The following WDSUB1 variants were observed in gnomAD, a reference collection of about 807,000 sequenced individuals.
The protein encoded by WDSUB1 is WD repeat, sterile alpha motif and U-box domain containing 1.
Under a neutral mutation model 53.9 loss-of-function variants are expected in WDSUB1, and 49 were observed. That is an observed-to-expected ratio of 0.91 (90% CI 0.72 to 1.15). WDSUB1 has a LOEUF of 1.15. Among genes scored for constraint, WDSUB1 ranks in the 50% most tolerant of loss-of-function variants. The probability of loss-of-function intolerance (pLI) is 0.00; values close to 1 mark genes in which losing one functional copy is unlikely to be tolerated. For synonymous variants in WDSUB1, 194 were observed against 200.6 expected, an observed-to-expected ratio of 0.97 and a Z score of 0.28; for missense variants, 514 against 562.0, an observed-to-expected ratio of 0.91 and a Z score of 0.86.
intron 8 of WDSUB1, among the ~76,000 whole-genome samples, chr2:159,256,610 A>T: frequency 6.6e-6 from 1 of 151,926 alleles, no homozygotes; most frequent in East Asian, 1.9e-4. Flanking sequence ...AAAAAAAAAA[A>T]AAATTGTTTT....
chr2:159,256,597 C>CA (rs35877234), intron 8 of WDSUB1, among the ~76,000 whole-genome samples: 62,853 of 134,942 alleles, frequency 0.47, 14,437 homozygotes, highest in Non-Finnish European at 0.57. Flanking sequence ...AGACCAGTCT[C>CA]AAAAAAAAAA....
chr2:159,273,816 T>TA (rs1457517996), intron 4 of WDSUB1, among the ~76,000 whole-genome samples: 1 of 152,258 alleles, frequency 6.6e-6, no homozygotes, highest in Non-Finnish European at 1.5e-5. Flanking sequence ...TGAAAGGCTT[T>TA]ACTTTTGAAC....
intron 2 of WDSUB1, 44 bp from the exon 3 acceptor site, chr2:159,279,989 T>C (rs753730008): frequency 1.3e-6 from 2 of 1,545,246 alleles, no homozygotes; most frequent in South Asian, 1.2e-5. Flanking sequence ...AGAGTATCCT[T>C]TACTTTATAC....
intron 10 of WDSUB1, among the ~76,000 whole-genome samples, chr2:159,243,836 T>TAAC (rs2060720392): frequency 6.6e-6 from 1 of 152,172 alleles, no homozygotes; most frequent in Non-Finnish European, 1.5e-5. Flanking sequence ...GCACTATATA[T>TAAC]AACAGCCAAC....
chr2:159,247,446 A>G (rs1288748786), intron 10 of WDSUB1, among the ~76,000 whole-genome samples: 2 of 152,220 alleles, frequency 1.3e-5, no homozygotes, highest in African/African-American at 2.4e-5. Context: ...CAAAACAACT[A>G]TTAAGCTGGC....
intron 9 of WDSUB1, among the ~76,000 whole-genome samples, chr2:159,255,328 A>G (rs1212753056): frequency 1.3e-5 from 2 of 151,888 alleles, no homozygotes; most frequent in Admixed American, 6.6e-5. Flanking sequence ...TTAGCCAGGC[A>G]TGGTGGCAGG....
chr2:159,266,995 A>G (rs895732141), intron 5 of WDSUB1, among the ~76,000 whole-genome samples: 2 of 149,776 alleles, frequency 1.3e-5, no homozygotes, highest in African/African-American at 2.5e-5. Context: ...CTGGTCTCAA[A>G]CTCCTGGGCG....
chr2:159,236,008 TATAA>T lies in WDSUB1; in HGVS notation c.*21_*24del. 1 of 1,564,278 alleles carries T rather than the reference TATAA, an allele frequency of 6.4e-7. No homozygotes were observed. The highest frequency in any genetic ancestry group is 8.6e-7 in the Non-Finnish European group (1 of 1,159,128). ...ATCATTCAAATGAGATCACTGAAAA[TATAA>T]ATAATACAATATCAACAATTTTACT... On this transcript the variant is annotated 3_prime_UTR_variant, in exon 11 of 11. Transcript: ENST00000359774.
intron 10 of WDSUB1, among the ~76,000 whole-genome samples, chr2:159,241,701 G>C (rs1397833465): frequency 7.4e-6 from 1 of 135,880 alleles, no homozygotes; most frequent in East Asian, 2.1e-4. Flanking sequence ...ATACATGACT[G>C]GGGATGTTTT....
At position 159,257,844 on chromosome 2, in the gene WDSUB1, A is replaced by G. The variant is rs142150362; in HGVS notation, c.866T>C (p.Phe289Ser). Reference sequence around the variant, plus strand: ...AGCAAGTAAAAGGGTATTAGGTGCAAAAGCACAAGTTGTGACATACCTAGT... The same window carrying G: ...AGCAAGTAAAAGGGTATTAGGTGCAGAAGCACAAGTTGTGACATACCTAGT... ...QHTRYVTTCA[F>S]APNTLLLATG... Residue 289 changes from phenylalanine to serine, a missense_variant, in exon 8 of 11, where the codon TTT becomes TCT. Transcript: ENST00000359774. 7.1e-5 allele frequency: 114 copies of G among 1,614,182 alleles called. No homozygotes were observed. The highest frequency in any genetic ancestry group is 5.8e-4 in the Admixed American group (35 of 60,028).
At chr2:159,269,078 T>C (rs2061398928) in intron 5 of WDSUB1, among the ~76,000 whole-genome samples, 1 of 151,876 alleles carries the variant, frequency 6.6e-6, no homozygotes, top group Non-Finnish European at 1.5e-5. Flanking sequence ...ATCCCAGAAT[T>C]AGAGGACAGA....
intron 3 of WDSUB1, 77 bp downstream of exon 3, chr2:159,279,684 A>G: frequency 7.6e-7 from 1 of 1,309,828 alleles, no homozygotes; most frequent in Non-Finnish European, 1.0e-6. Context: ...ATAAAAAAGA[A>G]TAAAAGAATG....
At chr2:159,255,165 G>A (rs2061035024) in intron 9 of WDSUB1, among the ~76,000 whole-genome samples, 2 of 151,780 alleles carry the variant, frequency 1.3e-5, no homozygotes, top group South Asian at 4.2e-4. Context: ...CACAAAAAGA[G>A]ATAGAAAAGT....
chr2:159,261,876 ATATATATATATATATATATATTTTTTT>A (rs1207430635), intron 5 of WDSUB1, among the ~76,000 whole-genome samples: 2 of 14,668 alleles, frequency 1.4e-4, no homozygotes, highest in Non-Finnish European at 2.2e-4. Context: ...ATATATATAT[ATATATATATATATATATATATTTTTTT>A]TTTTTTTTTT....
rs111752652 is a variant in WDSUB1, at chr2:159,280,708, A to AAAAAAAAAAAAAAAC, written c.399-764_399-763insGTTTTTTTTTTTTTT. Among the ~76,000 whole-genome samples the AAAAAAAAAAAAAAAC allele has an allele frequency of 6.7e-5, 9 of 134,376 alleles. 1 individual carries two copies. The highest frequency in any genetic ancestry group is 2.4e-4 in the African/African-American group (7 of 29,692). 88.2% of individuals were successfully genotyped at this position (134,376 alleles called of 152,430 possible). The stretch of plus-strand genomic sequence containing the variant: ...TCCGTCTCAAAAAAAAAAAAAAAAA[A>AAAAAAAAAAAAAAAC]ATTACCCAGAAGCAATGGCGAGGTC... On this transcript the variant is annotated intron_variant, in intron 2 of 10. Coordinates refer to ENST00000359774, the MANE Select transcript of WDSUB1 (RefSeq NM_001128212.3).
At chr2:159,282,582 T>C in intron 2 of WDSUB1, 90 bp downstream of exon 2, 1 of 1,422,106 alleles carries the variant, frequency 7.0e-7, no homozygotes, top group Admixed American at 2.1e-5. Flanking sequence ...TCACTTAGAC[T>C]GTGCAGAGTA....
chr2:159,237,600 A>G (rs544013475), intron 10 of WDSUB1, among the ~76,000 whole-genome samples: 41 of 152,062 alleles, frequency 2.7e-4, no homozygotes, highest in African/African-American at 9.4e-4. Flanking sequence ...CTTGTTACCC[A>G]CCCTTCCCAT....
intron 5 of WDSUB1, among the ~76,000 whole-genome samples, chr2:159,260,368 A>ATACTATT (rs908690874): frequency 6.6e-6 from 1 of 152,130 alleles, no homozygotes. Flanking sequence ...ACAATAGTAT[A>ATACTATT]TACTATTTAC....
At chr2:159,285,235 A>G (rs1373704204) in intron 1 of WDSUB1, among the ~76,000 whole-genome samples, 1 of 152,200 alleles carries the variant, frequency 6.6e-6, no homozygotes, top group Non-Finnish European at 1.5e-5. Flanking sequence ...TCCATATGTA[A>G]TATGAAATTA....
Sources: allele counts gnomAD v4.1 joint callset (sites outside exome capture counted in the v4.1 genomes callset), GRCh38; gene constraint gnomAD v4.1.1; transcripts MANE v1.5; gene names NCBI Gene and HGNC (gene_info 2026-07-23, HGNC 2026-07-21).